The following MLLT3 variants were observed in gnomAD, a reference collection of about 807,000 sequenced individuals.
MLLT3 encodes protein AF-9.
MLLT3 carries 4 observed loss-of-function variants against 53.2 expected under a neutral mutation model. That is an observed-to-expected ratio of 0.08 (90% CI 0.04 to 0.17). The LOEUF is 0.17. Ranked by LOEUF, MLLT3 falls within the 10% of genes least tolerant of loss-of-function variation. The pLI is 1.00. For synonymous variants in MLLT3, 283 were observed against 230.6 expected, an observed-to-expected ratio of 1.23 and a Z score of -2.06; for missense variants, 569 against 684.0, an observed-to-expected ratio of 0.83 and a Z score of 1.87.
At position 20,345,640 on chromosome 9, in the gene MLLT3, T is replaced by A. The variant is rs914408718; in HGVS notation, c.*803A>T. ...TTACAGGTACACTTTTGTTTAAAAGTCCTACAAGTTTATTGACTAAGGCTA... is the reference window on the plus strand; with the variant it reads ...TTACAGGTACACTTTTGTTTAAAAGACCTACAAGTTTATTGACTAAGGCTA... On this transcript the variant is annotated 3_prime_UTR_variant, in exon 11 of 11. Transcript: ENST00000380338. The A allele has an allele frequency of 9.4e-6, 2 of 211,866 alleles. No individual in the cohort carries two copies. The highest frequency in any genetic ancestry group is 2.3e-5 in the African/African-American group (1 of 44,166). 13.1% of individuals were successfully genotyped at this position (211,866 alleles called of 1,614,324 possible).
chr9:20,583,465 C>T (rs1246132475), intron 2 of MLLT3, among the ~76,000 whole-genome samples: 2 of 152,106 alleles, frequency 1.3e-5, no homozygotes, highest in African/African-American at 2.4e-5. Context: ...GTGGGGGCTC[C>T]GACCCCACAT....
intron 2 of MLLT3, among the ~76,000 whole-genome samples, chr9:20,525,731 T>C (rs927021196): frequency 1.3e-5 from 2 of 152,234 alleles, no homozygotes; most frequent in African/African-American, 4.8e-5. Context: ...GGATACAACC[T>C]TGTTGCTGTA....
intron 2 of MLLT3, among the ~76,000 whole-genome samples, chr9:20,501,407 A>T (rs941876676): frequency 7.2e-5 from 11 of 152,174 alleles, no homozygotes; most frequent in African/African-American, 2.7e-4. Flanking sequence ...AACCATGATT[A>T]TTACTTACAA....
chr9:20,577,068 A>G (rs551959788), intron 2 of MLLT3, among the ~76,000 whole-genome samples: 17 of 152,294 alleles, frequency 1.1e-4, no homozygotes, highest in African/African-American at 3.9e-4. Flanking sequence ...AACATTGTCC[A>G]ATGTCTATTA....
intron 4 of MLLT3, among the ~76,000 whole-genome samples, chr9:20,439,693 T>C (rs1370570183): frequency 1.3e-5 from 2 of 152,170 alleles, no homozygotes; most frequent in South Asian, 2.1e-4. Flanking sequence ...TGTGAGGACA[T>C]AGAATAAAGT....
chr9:20,571,345 TAGG>T (rs1182854802), intron 2 of MLLT3, among the ~76,000 whole-genome samples: 1 of 152,134 alleles, frequency 6.6e-6, no homozygotes, highest in African/African-American at 2.4e-5. Context: ...GACCTATTAA[TAGG>T]AGAAAATATT....
chr9:20,601,073 C>G (rs1820409548), intron 2 of MLLT3, among the ~76,000 whole-genome samples: 2 of 152,124 alleles, frequency 1.3e-5, no homozygotes, highest in African/African-American at 2.4e-5. Context: ...TCAGATTGCT[C>G]TAGGGGCTGG....
At chr9:20,376,584 A>G (rs1306540112) in intron 5 of MLLT3, among the ~76,000 whole-genome samples, 2 of 152,076 alleles carry the variant, frequency 1.3e-5, no homozygotes, top group African/African-American at 4.8e-5. Flanking sequence ...ACTTATCACT[A>G]CTTGTCTGAG....
intron 2 of MLLT3, among the ~76,000 whole-genome samples, chr9:20,571,928 G>T (rs894112145): frequency 6.6e-6 from 1 of 152,172 alleles, no homozygotes; most frequent in Admixed American, 6.5e-5. Flanking sequence ...CTGTTGGTGG[G>T]AATGTACATT....
intron 2 of MLLT3, among the ~76,000 whole-genome samples, chr9:20,608,819 T>A (rs1216967316): frequency 6.6e-6 from 1 of 152,030 alleles, no homozygotes; most frequent in Non-Finnish European, 1.5e-5. Context: ...TCAAGAAAAC[T>A]TGAAAAAGCC....
At position 20,414,366 on chromosome 9, in the gene MLLT3, G is replaced by A. The variant is rs192950933; in HGVS notation, c.480C>T (p.Ser160=). The A allele has an allele frequency of 3.1e-6, 5 of 1,603,292 alleles. No individual in the cohort carries two copies. Residue 160 remains serine (S), a synonymous_variant, in exon 5 of 11, where the codon AGC becomes AGT. Transcript: ENST00000380338. ...TGCTACTGCTGCTGCTGCTGCTGCT[G>A]CTGCTGCTGCTACTGCTGCTGCTGC... The part of the protein sequence containing the change: ...SSSSSSSSSS[S]SSSSSSSSSS...
intron 9 of MLLT3, 117 bp downstream of exon 9, chr9:20,354,691 T>C: frequency 5.6e-6 from 4 of 711,570 alleles, no homozygotes; most frequent in Non-Finnish European, 9.9e-6. Context: ...TTTGGGCATC[T>C]TGGACACTTT....
At chr9:20,568,034 T>C (rs959718670) in intron 2 of MLLT3, among the ~76,000 whole-genome samples, 1 of 152,116 alleles carries the variant, frequency 6.6e-6, no homozygotes, top group East Asian at 1.9e-4. Context: ...TAATAAACCT[T>C]AGTTAAGAAG....
Position 20,365,737 on chromosome 9 carries a change from T to A in MLLT3, c.1133A>T (p.Gln378Leu). ...GGAGCTGGAGCTGGCAGGACTGGGTTGTTCAGACTTTAAAGAAGAATAAAA... is the reference window on the plus strand; with the variant it reads ...GGAGCTGGAGCTGGCAGGACTGGGTAGTTCAGACTTTAAAGAAGAATAAAA... ...ENISSKSDSEQPSPASSSSSS... is the reference protein window; with the variant it reads ...ENISSKSDSELPSPASSSSSS... Residue 378 changes from glutamine to leucine, a missense_variant, in exon 6 of 11, where the codon CAA (glutamine) becomes CTA (leucine). Physicochemically the swap from Gln to Leu is moderately radical, Grantham distance 113 (BLOSUM62 -2). Coordinates refer to ENST00000380338, the MANE Select transcript of MLLT3 (RefSeq NM_004529.4). The A allele has an allele frequency of 1.2e-6, 2 of 1,614,160 alleles. No individual in the cohort carries two copies. Among genetic ancestry groups the A allele is most frequent in the Non-Finnish European group, 1.7e-6 (2 of 1,180,014 alleles).
intron 5 of MLLT3, chr9:20,382,626 G>A (rs973064064): frequency 2.0e-5 from 3 of 151,842 alleles, no homozygotes; most frequent in Non-Finnish European, 2.9e-5. Context: ...CATCCACCCC[G>A]AACTGTTTTA....
At chr9:20,544,109 G>C (rs1818720694) in intron 2 of MLLT3, among the ~76,000 whole-genome samples, 1 of 152,164 alleles carries the variant, frequency 6.6e-6, no homozygotes, top group African/African-American at 2.4e-5. Flanking sequence ...ATGGGGAAAG[G>C]ATAGTCTCTC....
At chr9:20,360,172 C>T (rs1045865629) in intron 8 of MLLT3, among the ~76,000 whole-genome samples, 35 of 152,216 alleles carry the variant, frequency 2.3e-4, no homozygotes, top group South Asian at 2.1e-4. Context: ...CTATCTTGGA[C>T]GAGAAAACTG....
chr9:20,577,753 A>T (rs1819690365), intron 2 of MLLT3, among the ~76,000 whole-genome samples: 1 of 152,212 alleles, frequency 6.6e-6, no homozygotes, highest in Non-Finnish European at 1.5e-5. Flanking sequence ...TTTAGTTTTC[A>T]GCTTCAAGGG....
intron 2 of MLLT3, among the ~76,000 whole-genome samples, chr9:20,608,326 A>G (rs920581994): frequency 2.0e-5 from 3 of 151,976 alleles, no homozygotes; most frequent in African/African-American, 7.2e-5. Context: ...AACACTACAC[A>G]GCAAGATAGA....
Sources: gnomAD v4.1 joint callset for allele counts (sites outside exome capture counted in the v4.1 genomes callset) on GRCh38, gnomAD v4.1.1 for gene constraint, MANE v1.5 for transcripts, NCBI Gene and HGNC (gene_info 2026-07-23, HGNC 2026-07-21) for gene names.